NEURL4: variants seen among roughly 807,000 people sequenced by gnomAD.
The protein encoded by NEURL4 is neuralized E3 ubiquitin protein ligase 4, also known as neuralized-like protein 4.
Under a neutral mutation model 148.0 loss-of-function variants are expected in NEURL4, and 45 were observed. The ratio of observed to expected loss-of-function variants is 0.30; its 90% CI spans 0.24 to 0.39. The LOEUF (loss-of-function observed/expected upper bound fraction) is 0.39. Ranked by LOEUF, NEURL4 falls within the 10% of genes least tolerant of loss-of-function variation. NEURL4 has a pLI of 1.00. For missense variants in NEURL4, 1,776 were observed against 2,144.0 expected, an observed-to-expected ratio of 0.83 and a Z score of 3.39; for synonymous variants, 854 against 869.0, an observed-to-expected ratio of 0.98 and a Z score of 0.30.
In NEURL4 at chr17:7,323,137, A is replaced by G. The variant is rs1186198219; in HGVS notation, c.2418-14T>C. The G allele has an allele frequency of 1.9e-6, 3 of 1,605,422 alleles. No individual in the cohort carries two copies. Among genetic ancestry groups the G allele is most frequent in the Non-Finnish European group, 1.7e-6 (2 of 1,173,626 alleles). ...ATGGCTGTACCACTGGGGGGATGGCAGAAGGGGTGAGTCAGCCTGCCAACT... is the reference window on the plus strand; with the variant it reads ...ATGGCTGTACCACTGGGGGGATGGCGGAAGGGGTGAGTCAGCCTGCCAACT... On this transcript the variant is annotated splice_polypyrimidine_tract_variant and intron_variant, in intron 14 of 28. Transcript: ENST00000399464.
At position 7,327,965 on chromosome 17, in the gene NEURL4, C is replaced by T. The variant is rs1371050670; in HGVS notation, c.283-81G>A. 10 of 1,138,448 alleles carry T rather than the reference C, an allele frequency of 8.8e-6. No homozygotes were observed. The Admixed American group carries it at 1.6e-4, about 18-fold the overall frequency. The allele number at this position is 1,138,448 out of a possible 1,614,324, so 70.5% of individuals were successfully genotyped here. A position where few individuals can be genotyped will look rare whatever the true frequency, so the allele number is the denominator to read the frequency against. On this transcript the variant is annotated intron_variant, in intron 1 of 28. Transcript: ENST00000399464. This position sits in a 1 kb window ranked among gnomAD's most constrained non-coding sequence, Gnocchi z 6.6. ...CCACCATATCTTCCCACCTCTCAGA[C>T]AGCTAGCTGGCTTTCTGTCTCTTGG...
At position 7,318,370 on chromosome 17, in the gene NEURL4, G is replaced by C. The variant is rs1011593895; in HGVS notation, c.3865-14C>G. The C allele has an allele frequency of 1.2e-6, 2 of 1,613,722 alleles. No homozygotes were observed. The highest frequency in any genetic ancestry group is 1.7e-6 in the Non-Finnish European group (2 of 1,179,728). ...CACGATTGTCACCTGCAGGGGAGAG[G>C]GTAGTCAGACAGAGCTTGGTCAGAC... On this transcript the variant is annotated splice_polypyrimidine_tract_variant and intron_variant, in intron 23 of 28. Coordinates refer to ENST00000399464, the MANE Select transcript of NEURL4 (RefSeq NM_032442.3). The surrounding 1 kb of genome is among the most constrained non-coding windows in gnomAD (Gnocchi z 4.3).
At position 7,315,803 on chromosome 17, in the gene NEURL4, A is replaced by G; in HGVS notation, c.*320T>C. 1.9e-6 allele frequency: 1 copy of G among 515,804 alleles called. No homozygotes were observed. The highest frequency in any genetic ancestry group is 3.4e-6 in the Non-Finnish European group (1 of 292,340). The allele number at this position is 515,804 out of a possible 1,614,324, so 32.0% of individuals were successfully genotyped here. On this transcript the variant is annotated 3_prime_UTR_variant, in exon 29 of 29. Coordinates refer to ENST00000399464, the MANE Select transcript of NEURL4 (RefSeq NM_032442.3). ...TCTGGGATTCACAGTAACCAGAAAC[A>G]AAAACGGAAATAAATTAAGTGATGT...
Position 7,327,116 on chromosome 17 carries a change from T to G in NEURL4, c.793+49A>C. 6.2e-7 allele frequency: 1 copy of G among 1,604,926 alleles called. No individual in the cohort carries two copies. Among genetic ancestry groups the G allele is most frequent in the Non-Finnish European group, 8.5e-7 (1 of 1,176,334 alleles). ...CCCTTCTCCTGAGGGCCCTCCCTTG[T>G]CCACCTCACTTCCCACTCCCCTTCC... On this transcript the variant is annotated intron_variant, in intron 3 of 28. Transcript: ENST00000399464. This position sits in a 1 kb window ranked among gnomAD's most constrained non-coding sequence, Gnocchi z 6.6.
Position 7,322,054 on chromosome 17 carries a change from C to T in NEURL4, c.2726-44G>A, listed in dbSNP as rs916113140. On this transcript the variant is annotated intron_variant, in intron 16 of 28. Transcript: ENST00000399464. This position sits in a 1 kb window ranked among gnomAD's most constrained non-coding sequence, Gnocchi z 5.5. ...AGTAGAAGGGGTAGGATTGGGGCAG[C>T]GAGCTTCAGGCAGAACACAGAGCAA... The T allele has an allele frequency of 4.5e-6, 7 of 1,546,882 alleles. No homozygotes were observed. The highest frequency in any genetic ancestry group is 4.1e-5 in the African/African-American group (3 of 72,992).
At chr17:7,325,011 C>T in intron 8 of NEURL4, 31 bp from the exon 9 acceptor site, 2 of 1,610,916 alleles carry the variant, frequency 1.2e-6, no homozygotes, top group South Asian at 1.1e-5. Flanking sequence ...GAGTCAGATC[C>T]CCAACACACG....
intron 1 of NEURL4, among the ~76,000 whole-genome samples, 177 bp from the exon 2 acceptor site, chr17:7,328,061 G>C (rs893531375): frequency 2.6e-5 from 4 of 152,150 alleles, no homozygotes; most frequent in Admixed American, 2.0e-4. Context: ...CTTTCCTTTA[G>C]CAACTCTGCT....
chr17:7,324,068 G>C lies in NEURL4; in HGVS notation c.2062+40C>G, dbSNP rs376163291. 4 of 1,609,340 alleles carry C rather than the reference G, an allele frequency of 2.5e-6. No individual in the cohort carries two copies. The Admixed American group carries it at 5.0e-5, about 20-fold the overall frequency. On this transcript the variant is annotated intron_variant, in intron 11 of 28. Coordinates refer to ENST00000399464, the MANE Select transcript of NEURL4 (RefSeq NM_032442.3). This position sits in a 1 kb window ranked among gnomAD's most constrained non-coding sequence, Gnocchi z 5.9. ...CTAGGTGTCTCTCAGACCTCCCAAG[G>C]CCACCCTAACCCCCAGCCCCAGCCC...
intron 1 of NEURL4, 82 bp downstream of exon 1, chr17:7,328,949 T>C: frequency 7.4e-7 from 1 of 1,342,498 alleles, no homozygotes; most frequent in South Asian, 1.7e-5. Flanking sequence ...CAATGTGGGC[T>C]ACCCTGGCTG....
rs1213833571 is a variant in NEURL4, at chr17:7,322,578, C to T, written c.2725+157G>A. 6.6e-6 allele frequency among the ~76,000 whole-genome samples: 1 copy of T among 152,156 alleles called. No homozygotes were observed. The highest frequency in any genetic ancestry group is 2.4e-5 in the African/African-American group (1 of 41,414). ...CTCTAAGTACCAGGTGTAACCTCCC[C>T]CTCACTGGCTGCTTGCCACCGTGGG... On this transcript the variant is annotated intron_variant, in intron 16 of 28. Coordinates refer to ENST00000399464, the MANE Select transcript of NEURL4 (RefSeq NM_032442.3). The surrounding 1 kb of genome is among the most constrained non-coding windows in gnomAD (Gnocchi z 5.5).
At chr17:7,316,363 T>C in intron 28 of NEURL4, 36 bp from the exon 29 acceptor site, 2 of 1,554,200 alleles carry the variant, frequency 1.3e-6, no homozygotes, top group Non-Finnish European at 1.8e-6. Flanking sequence ...GTGAAGCCTC[T>C]CGCCCCATCA....
At chr17:7,325,059 C>A in intron 8 of NEURL4, 79 bp from the exon 9 acceptor site, 1 of 1,570,686 alleles carries the variant, frequency 6.4e-7, no homozygotes, top group Non-Finnish European at 8.7e-7. Context: ...CAATGCCTGC[C>A]AACACTCACT....
chr17:7,324,662 A>C lies in NEURL4; in HGVS notation c.1813+137T>G, dbSNP rs2073077566. The C allele has an allele frequency of 3.6e-6, 4 of 1,105,796 alleles. No homozygotes were observed. Among genetic ancestry groups the C allele is most frequent in the Non-Finnish European group, 5.3e-6 (4 of 754,928 alleles). The allele number at this position is 1,105,796 out of a possible 1,614,324, so 68.5% of individuals were successfully genotyped here. On this transcript the variant is annotated intron_variant, in intron 9 of 28. Coordinates refer to ENST00000399464, the MANE Select transcript of NEURL4 (RefSeq NM_032442.3). This position sits in a 1 kb window ranked among gnomAD's most constrained non-coding sequence, Gnocchi z 5.9. ...TTCCAAGACAGCCACAGCCCTGCCC[A>C]CGGGACACTCTCTAGCCACTGAATG...
Position 7,324,542 on chromosome 17 carries a change from A to G in NEURL4, c.1814-62T>C. ...AATGCAGGGCTCCTCTCCTTGCCAC[A>G]GCAGCGCCCACAGGACTCCCGAGCC... On this transcript the variant is annotated intron_variant, in intron 9 of 28. Transcript: ENST00000399464. This position sits in a 1 kb window ranked among gnomAD's most constrained non-coding sequence, Gnocchi z 5.9. The G allele has an allele frequency of 6.8e-7, 1 of 1,474,434 alleles. No individual in the cohort carries two copies. Among genetic ancestry groups the G allele is most frequent in the East Asian group, 2.3e-5 (1 of 44,172 alleles). 91.3% of individuals were successfully genotyped at this position (1,474,434 alleles called of 1,614,324 possible). A position where few individuals can be genotyped will look rare whatever the true frequency, so the allele number is the denominator to read the frequency against.
At position 7,322,732 on chromosome 17, in the gene NEURL4, C is replaced by T. The variant is rs764974405; in HGVS notation, c.2725+3G>A. On this transcript the variant is annotated splice_donor_region_variant and intron_variant, in intron 16 of 28. Coordinates refer to ENST00000399464, the MANE Select transcript of NEURL4 (RefSeq NM_032442.3). This position sits in a 1 kb window ranked among gnomAD's most constrained non-coding sequence, Gnocchi z 5.5. ...CCGTCCAGCCCCCGCCCTGCTGCCGCACCTGGGGAGTGCAGTGGGAAGGAC... is the reference window on the plus strand; with the variant it reads ...CCGTCCAGCCCCCGCCCTGCTGCCGTACCTGGGGAGTGCAGTGGGAAGGAC... 15 of 1,610,946 alleles carry T rather than the reference C, an allele frequency of 9.3e-6. No individual in the cohort carries two copies. Among genetic ancestry groups the T allele is most frequent in the Non-Finnish European group, 1.3e-5 (15 of 1,179,876 alleles).
In NEURL4 at chr17:7,326,230, C is replaced by A. The variant is rs1331473353; in HGVS notation, c.1293+25G>T. ...TACCTGTGGCTCTGCTGAAAGCGGC[C>A]CAGGGATCTGTGCCCCACCCTCACC... On this transcript the variant is annotated intron_variant, in intron 6 of 28. Coordinates refer to ENST00000399464, the MANE Select transcript of NEURL4 (RefSeq NM_032442.3). This position sits in a 1 kb window ranked among gnomAD's most constrained non-coding sequence, Gnocchi z 6.0. 6.2e-7 allele frequency: 1 copy of A among 1,609,438 alleles called. No individual in the cohort carries two copies. The highest frequency in any genetic ancestry group is 8.5e-7 in the Non-Finnish European group (1 of 1,176,672).
Position 7,318,939 on chromosome 17 carries a change from CT to C in NEURL4, c.3684+110del. 7.8e-7 allele frequency: 1 copy of C among 1,285,314 alleles called. No individual in the cohort carries two copies. The highest frequency in any genetic ancestry group is 1.1e-6 in the Non-Finnish European group (1 of 933,060). The allele number at this position is 1,285,314 out of a possible 1,614,324, so 79.6% of individuals were successfully genotyped here. On this transcript the variant is annotated intron_variant, in intron 22 of 28. Coordinates refer to ENST00000399464, the MANE Select transcript of NEURL4 (RefSeq NM_032442.3). This position sits in a 1 kb window ranked among gnomAD's most constrained non-coding sequence, Gnocchi z 4.3. ...CCCTTGCCTGCCCATTACTGTTCCC[CT>C]TTTACACCTGTGGTCCTACCTCCAA...
At position 7,322,781 on chromosome 17, in the gene NEURL4, C is replaced by A. The variant is rs368029356; in HGVS notation, c.2679G>T (p.Ala893=). The A allele has an allele frequency of 6.2e-7, 1 of 1,613,396 alleles. No homozygotes were observed. Among genetic ancestry groups the A allele is most frequent in the Non-Finnish European group, 8.5e-7 (1 of 1,179,810 alleles). The change falls in exon 16 of 29, where the codon GCG becomes GCT. Residue 893 remains alanine (A), a synonymous_variant. Transcript: ENST00000399464. The surrounding 1 kb of genome is among the most constrained non-coding windows in gnomAD (Gnocchi z 5.5). ...NATGPMDNSL[A]TSNTATEKSF... is the part of the protein sequence containing the mutation. Reference sequence around the variant, plus strand: ...ACTTCTCGGTGGCAGTGTTGCTGGTCGCCAGGCTGTTGTCCATGGGGCCGG... The same window carrying A: ...ACTTCTCGGTGGCAGTGTTGCTGGTAGCCAGGCTGTTGTCCATGGGGCCGG...
In NEURL4 at chr17:7,323,087, G is replaced by A; in HGVS notation, c.2454C>T (p.Arg818=). Residue 818 remains arginine (R), a synonymous_variant, in exon 15 of 29, where the codon CGC becomes CGT. Transcript: ENST00000399464. The part of the protein sequence containing the change: ...TAIMQDGNTM[R]NNYGCDLDAL... Reference sequence around the variant, plus strand: ...CATCCAGGTCACACCCATAATTGTTGCGCATCGTGTTACCGTCTTGCATGA... The same window carrying A: ...CATCCAGGTCACACCCATAATTGTTACGCATCGTGTTACCGTCTTGCATGA... 6.2e-7 allele frequency: 1 copy of A among 1,613,720 alleles called. No homozygotes were observed. The highest frequency in any genetic ancestry group is 8.5e-7 in the Non-Finnish European group (1 of 1,179,938).
Sources: allele counts gnomAD v4.1 joint callset (sites outside exome capture counted in the v4.1 genomes callset), GRCh38; gene constraint gnomAD v4.1.1; non-coding constraint Gnocchi (gnomAD v3.1); transcripts MANE v1.5; gene names NCBI Gene and HGNC (gene_info 2026-07-23, HGNC 2026-07-21).